Variants in MGST1 observed in about 807,000 individuals in gnomAD.
MGST1 encodes the protein microsomal glutathione S-transferase 1.
Under a neutral mutation model 8.9 loss-of-function variants are expected in MGST1, and 5 were observed. That is an observed-to-expected ratio of 0.56 (90% CI 0.29 to 1.19). The LOEUF (loss-of-function observed/expected upper bound fraction) is 1.19, where lower values mean the gene tolerates loss of function less well. MGST1 is among the 50% of genes most tolerant of loss of function. MGST1 has a pLI of 0.08. For missense variants in MGST1, 182 were observed against 187.4 expected, an observed-to-expected ratio of 0.97 and a Z score of 0.17; for synonymous variants, 54 against 67.8, an observed-to-expected ratio of 0.80 and a Z score of 1.00.
intron 1 of MGST1, among the ~76,000 whole-genome samples, chr12:16,417,023 CAG>C (rs1276302658): frequency 6.6e-6 from 1 of 152,046 alleles, no homozygotes; most frequent in Admixed American, 6.6e-5. Flanking sequence ...ATCTAGTTGA[CAG>C]ATAAATTATT....
downstream of MGST1, among the ~76,000 whole-genome samples, chr12:16,440,404 C>T (rs954795803): frequency 6.6e-6 from 1 of 151,778 alleles, no homozygotes; most frequent in Non-Finnish European, 1.5e-5. Context: ...AATACCTTCT[C>T]CCTGCCACTA....
intron 1 of MGST1, among the ~76,000 whole-genome samples, chr12:16,408,846 A>G (rs1287199483): frequency 1.3e-5 from 2 of 152,072 alleles, no homozygotes; most frequent in Non-Finnish European, 2.9e-5. Flanking sequence ...ATTCTGGACT[A>G]TTTCTTTTGA....
At chr12:16,422,516 G>A (rs1565451521) in intron 1 of MGST1, among the ~76,000 whole-genome samples, 1 of 152,154 alleles carries the variant, frequency 6.6e-6, no homozygotes, top group Non-Finnish European at 1.5e-5. Context: ...TGCCATAGGA[G>A]TGAGATGAGG....
At chr12:16,483,354 CA>C (rs1381150463) in intron 4 of MGST1, among the ~76,000 whole-genome samples, 1 of 151,780 alleles carries the variant, frequency 6.6e-6, no homozygotes, top group Non-Finnish European at 1.5e-5. Context: ...ATGATAAAAT[CA>C]TAATGTTAAC....
At chr12:16,439,446 A>T (rs181528057), downstream of MGST1, among the ~76,000 whole-genome samples, 9 of 151,966 alleles carry the variant, frequency 5.9e-5, no homozygotes, top group East Asian at 1.6e-3. Context: ...TGTTTAATTC[A>T]AAGATTGCTT....
At chr12:16,368,334 C>G (rs1321375290), downstream of MGST1, among the ~76,000 whole-genome samples, 1 of 152,176 alleles carries the variant, frequency 6.6e-6, no homozygotes, top group Non-Finnish European at 1.5e-5. Context: ...AGAAAGTTTT[C>G]TGAGTTGCAT....
chr12:16,522,317 A>T (rs546116318), intron 4 of MGST1, among the ~76,000 whole-genome samples: 1 of 152,222 alleles, frequency 6.6e-6, no homozygotes, highest in East Asian at 1.9e-4. Flanking sequence ...GCATTGTTAA[A>T]TCATACCTTT....
At chr12:16,467,002 C>G (rs1374594429) in intron 4 of MGST1, among the ~76,000 whole-genome samples, 1 of 151,852 alleles carries the variant, frequency 6.6e-6, no homozygotes, top group Admixed American at 6.6e-5. Flanking sequence ...TGGTGGATGC[C>G]TATGTCTGCT....
chr12:16,441,766 G>C (rs1048172983), downstream of MGST1, among the ~76,000 whole-genome samples: 1 of 151,780 alleles, frequency 6.6e-6, no homozygotes, highest in Non-Finnish European at 1.5e-5. Flanking sequence ...TTGATTCCAA[G>C]TTCTGGCAAT....
intron 4 of MGST1, among the ~76,000 whole-genome samples, chr12:16,470,714 G>A (rs1269320372): frequency 6.6e-6 from 1 of 151,888 alleles, no homozygotes; most frequent in East Asian, 1.9e-4. Context: ...AACATTTTTA[G>A]CAATTGCTTC....
intron 4 of MGST1, among the ~76,000 whole-genome samples, chr12:16,504,401 C>A (rs1438991241): frequency 1.3e-5 from 2 of 152,136 alleles, no homozygotes; most frequent in Admixed American, 1.3e-4. Flanking sequence ...ACCCCTTTTT[C>A]TCTACCTCTA....
chr12:16,395,510 G>C (rs2137056952), intron 1 of MGST1, among the ~76,000 whole-genome samples: 1 of 151,914 alleles, frequency 6.6e-6, no homozygotes, highest in East Asian at 1.9e-4. Flanking sequence ...AGATTTTGGT[G>C]TACCCATCAC....
intron 4 of MGST1, among the ~76,000 whole-genome samples, chr12:16,468,506 C>A (rs34393): frequency 0.04 from 6,064 of 152,242 alleles, 413 homozygotes; most frequent in African/African-American, 0.14. Context: ...ACATCTTCTA[C>A]ATCACTCATT....
chr12:16,390,650 C>T (rs958617871), intron 1 of MGST1, among the ~76,000 whole-genome samples: 8 of 152,122 alleles, frequency 5.3e-5, no homozygotes, highest in African/African-American at 1.9e-4. Flanking sequence ...CTTTTTATGG[C>T]TACATAATGT....
At chr12:16,567,871 T>A (rs1447051139) in intron 4 of MGST1, among the ~76,000 whole-genome samples, 1 of 152,144 alleles carries the variant, frequency 6.6e-6, no homozygotes, top group East Asian at 1.9e-4. Context: ...TCAAGCCCAC[T>A]CAGAGGGCTC....
chr12:16,531,673 T>G (rs1203507598), intron 4 of MGST1, among the ~76,000 whole-genome samples: 1 of 152,106 alleles, frequency 6.6e-6, no homozygotes, highest in Non-Finnish European at 1.5e-5. Flanking sequence ...GGGACTTAAA[T>G]GTCCAGCAAG....
chr12:16,373,748 T>C (rs1249343183), intron 3 of MGST1, among the ~76,000 whole-genome samples: 1 of 152,082 alleles, frequency 6.6e-6, no homozygotes, highest in Admixed American at 6.6e-5. Flanking sequence ...TATTTCAACA[T>C]TGGTCCTCTT....
intron 4 of MGST1, among the ~76,000 whole-genome samples, chr12:16,516,540 C>T (rs1001048483): frequency 6.6e-6 from 1 of 152,110 alleles, no homozygotes; most frequent in African/African-American, 2.4e-5. Flanking sequence ...ACTTTCCATT[C>T]TACATCTGAA....
intron 4 of MGST1, among the ~76,000 whole-genome samples, chr12:16,511,460 T>C (rs183249734): frequency 2.7e-4 from 41 of 152,360 alleles, no homozygotes; most frequent in Non-Finnish European, 5.4e-4. Flanking sequence ...GATCTAAATT[T>C]GGCAATAATT....
Sources: gnomAD v4.1 joint callset for allele counts (sites outside exome capture counted in the v4.1 genomes callset) on GRCh38, gnomAD v4.1.1 for gene constraint, MANE v1.5 for transcripts, NCBI Gene and HGNC (gene_info 2026-07-23, HGNC 2026-07-21) for gene names.